RANGAP1: variants seen among roughly 807,000 people sequenced by gnomAD.
The protein encoded by RANGAP1 is ran GTPase-activating protein 1.
In RANGAP1, 38 loss-of-function variants were observed where a neutral mutation model predicts 63.5. That is an observed-to-expected ratio of 0.60 (90% confidence interval 0.46 to 0.78). RANGAP1 has a LOEUF of 0.78. RANGAP1 is among the 30% of genes least tolerant of loss of function. RANGAP1 has a pLI of 0.00. For synonymous variants in RANGAP1, 329 were observed against 310.5 expected, an observed-to-expected ratio of 1.06 and a Z score of -0.63; for missense variants, 630 against 740.3, an observed-to-expected ratio of 0.85 and a Z score of 1.73.
intron 2 of RANGAP1, chr22:41,277,575 C>A: frequency 9.3e-7 from 1 of 1,076,508 alleles, no homozygotes; most frequent in Non-Finnish European, 1.2e-6. Context: ...TTGAACTTGA[C>A]CTTCTGGTCA....
Position 41,285,475 on chromosome 22 carries a change from C to T in RANGAP1, c.-39+511G>A, listed in dbSNP as rs530116182. 1.4e-4 allele frequency: 140 copies of T among 983,152 alleles called. No homozygotes were observed. In the Admixed American group the frequency reaches 1.7e-3, roughly 12 times the overall value. 60.9% of individuals were successfully genotyped at this position (983,152 alleles called of 1,614,324 possible). A position where few individuals can be genotyped will look rare whatever the true frequency, so the allele number is the denominator to read the frequency against. ...CTAATAGAGAAACATCCTCTCCCCG[C>T]TCCGCAGCAACGTCAGAGACTTTCT... On this transcript the variant is annotated intron_variant, in intron 1 of 15. Coordinates refer to ENST00000356244, the MANE Select transcript of RANGAP1 (RefSeq NM_002883.4).
intron 13 of RANGAP1, 58 bp downstream of exon 13, chr22:41,250,949 T>C (rs1034041574): frequency 1.4e-6 from 2 of 1,418,562 alleles, no homozygotes; most frequent in Non-Finnish European, 9.9e-7. Context: ...GAAGGATACC[T>C]GGGGCCCACG....
the RANGAP1 span, among the ~76,000 whole-genome samples, chr22:41,302,312 G>C: frequency 1.1e-3 from 172 of 151,914 alleles, 2 homozygotes; most frequent in African/African-American, 3.9e-3. The surrounding 1 kb of genome is among the most constrained non-coding windows in gnomAD (Gnocchi z 5.7). Context: ...CGCCCCTTTC[G>C]GCTGCGGCGG....
intron 3 of RANGAP1, among the ~76,000 whole-genome samples, chr22:41,272,110 G>A (rs138479765): frequency 1.3e-5 from 2 of 152,222 alleles, no homozygotes; most frequent in African/African-American, 2.4e-5. Flanking sequence ...GGCCACGTAC[G>A]GCAAACAAGG....
the RANGAP1 span, among the ~76,000 whole-genome samples, chr22:41,291,596 T>TAAAAAAAA: frequency 9.4e-6 from 1 of 106,078 alleles, no homozygotes; most frequent in Non-Finnish European, 1.8e-5. Context: ...AGATCCATCT[T>TAAAAAAAA]AAAAAAAAAA....
In RANGAP1 at chr22:41,254,383, TTCCTCC is replaced by T. The variant is rs754504580; in HGVS notation, c.1179_1184del (p.Glu396_Glu397del). 1.8e-5 allele frequency: 29 copies of T among 1,613,734 alleles called. No individual in the cohort carries two copies. The highest frequency in any genetic ancestry group is 6.7e-5 in the Admixed American group (4 of 59,986). ...CCTGCCCTCGCTGCTGAGGCTCTTC[TTCCTCC>T]TCCTCCTCCTCTTCTTCCTCCTCTT... On this transcript the variant is annotated inframe_deletion, in exon 11 of 16. Coordinates refer to ENST00000356244, the MANE Select transcript of RANGAP1 (RefSeq NM_002883.4).
At chr22:41,278,452 C>G (rs906840766) in intron 2 of RANGAP1, among the ~76,000 whole-genome samples, 1 of 152,238 alleles carries the variant, frequency 6.6e-6, no homozygotes, top group South Asian at 2.1e-4. Flanking sequence ...CAATCTATCT[C>G]AAAGGATTTT....
In RANGAP1 at chr22:41,245,642, C is replaced by A. The variant is rs1315850836; in HGVS notation, c.*961G>T. On this transcript the variant is annotated 3_prime_UTR_variant, in exon 16 of 16. Coordinates refer to ENST00000356244, the MANE Select transcript of RANGAP1 (RefSeq NM_002883.4). Reference sequence around the variant, plus strand: ...TGCCACACGACTTTATTTGTGAAGCCCCCGGGCACAGCCCAGACACACACA... The same window carrying A: ...TGCCACACGACTTTATTTGTGAAGCACCCGGGCACAGCCCAGACACACACA... 3 of 152,250 alleles carry A rather than the reference C, an allele frequency of 2.0e-5. No individual in the cohort carries two copies. The East Asian group carries it at 5.8e-4, about 29-fold the overall frequency. 9.4% of individuals were successfully genotyped at this position (152,250 alleles called of 1,614,324 possible). A position where few individuals can be genotyped will look rare whatever the true frequency, so the allele number is the denominator to read the frequency against.
upstream of RANGAP1, among the ~76,000 whole-genome samples, chr22:41,287,363 C>G (rs1265411725): frequency 7.0e-6 from 1 of 142,576 alleles, no homozygotes; most frequent in African/African-American, 2.5e-5. Flanking sequence ...CATAAAAACA[C>G]AAACAGCGTT....
the RANGAP1 span, among the ~76,000 whole-genome samples, chr22:41,291,875 T>C: frequency 1.3e-5 from 2 of 151,306 alleles, no homozygotes; most frequent in African/African-American, 4.8e-5. Flanking sequence ...CACTCCAGCC[T>C]GGGCGACAGA....
rs144643067 is a variant in RANGAP1, at chr22:41,279,053, G to A, written c.112+1880C>T. On this transcript the variant is annotated intron_variant, in intron 2 of 15. Coordinates refer to ENST00000356244, the MANE Select transcript of RANGAP1 (RefSeq NM_002883.4). ...AGCTACTCAGGAGGATGAGGTGGGA[G>A]AATGACATGAACCCAGGAGGCGGAG... Among the ~76,000 whole-genome samples, 534 of 152,368 alleles carry A rather than the reference G, an allele frequency of 3.5e-3. 4 individuals carry two copies. The highest frequency in any genetic ancestry group is 0.012 in the African/African-American group (511 of 41,592).
rs539022421 is a variant in RANGAP1, at chr22:41,246,504, A to G, written c.*99T>C. On this transcript the variant is annotated 3_prime_UTR_variant, in exon 16 of 16. Coordinates refer to ENST00000356244, the MANE Select transcript of RANGAP1 (RefSeq NM_002883.4). Reference sequence around the variant, plus strand: ...ACACAGACCCGCCCTGCCTGTGGCCAGAGTCCTGTCCAAGGCAATGGCGTA... The same window carrying G: ...ACACAGACCCGCCCTGCCTGTGGCCGGAGTCCTGTCCAAGGCAATGGCGTA... 1 of 1,326,838 alleles carries G rather than the reference A, an allele frequency of 7.5e-7. No individual in the cohort carries two copies. The highest frequency in any genetic ancestry group is 1.5e-5 in the African/African-American group (1 of 68,388). The allele number at this position is 1,326,838 out of a possible 1,614,324, so 82.2% of individuals were successfully genotyped here.
the RANGAP1 span, among the ~76,000 whole-genome samples, chr22:41,298,264 G>A: frequency 2.6e-5 from 4 of 151,930 alleles, no homozygotes; most frequent in Non-Finnish European, 5.9e-5. Context: ...GCCTCCCAAA[G>A]TGCTGGGATT....
chr22:41,264,625 G>C, intron 5 of RANGAP1, 39 bp downstream of exon 5: 1 of 1,591,450 alleles, frequency 6.3e-7, no homozygotes, highest in South Asian at 1.1e-5. Flanking sequence ...GATGTGGATG[G>C]ACCAGGGGAC....
At chr22:41,299,227 G>T in the RANGAP1 span, among the ~76,000 whole-genome samples, 1 of 151,906 alleles carries the variant, frequency 6.6e-6, no homozygotes, top group Admixed American at 6.6e-5. Flanking sequence ...CTACTTCCCA[G>T]GTTCAAGCCA....
chr22:41,265,269 G>C (rs1444460207), intron 4 of RANGAP1, among the ~76,000 whole-genome samples: 1 of 152,230 alleles, frequency 6.6e-6, no homozygotes, highest in African/African-American at 2.4e-5. Context: ...GGTCAGATCA[G>C]GCAAGAGCCT....
At chr22:41,249,075 C>T (rs2033251044) in intron 15 of RANGAP1, among the ~76,000 whole-genome samples, 2 of 152,226 alleles carry the variant, frequency 1.3e-5, no homozygotes, top group Admixed American at 1.3e-4. Context: ...ACAATGGGGG[C>T]GCCGCATGTC....
intron 14 of RANGAP1, 26 bp downstream of exon 14, chr22:41,249,703 G>C (rs199673913): frequency 3.1e-5 from 49 of 1,595,980 alleles, no homozygotes; most frequent in Non-Finnish European, 4.0e-5. Flanking sequence ...CCTCCCTCCC[G>C]GGCCTGCTGT....
In RANGAP1 at chr22:41,246,362, C is replaced by T; in HGVS notation, c.*241G>A. The T allele has an allele frequency of 2.2e-6, 1 of 446,782 alleles. No homozygotes were observed. Among genetic ancestry groups the T allele is most frequent in the Non-Finnish European group, 4.1e-6 (1 of 244,724 alleles). 27.7% of individuals were successfully genotyped at this position (446,782 alleles called of 1,614,324 possible). ...CTTTCCCCTGGGGGCCAACTCCCCA[C>T]AACAGAGCAGGGCTGGGCCAGCAGA... On this transcript the variant is annotated 3_prime_UTR_variant, in exon 16 of 16. Transcript: ENST00000356244.
Sources: gnomAD v4.1 joint callset for allele counts (sites outside exome capture counted in the v4.1 genomes callset) on GRCh38, gnomAD v4.1.1 for gene constraint, Gnocchi (gnomAD v3.1) non-coding constraint, MANE v1.5 for transcripts, NCBI Gene and HGNC (gene_info 2026-07-23, HGNC 2026-07-21) for gene names.